The following ASCC3 variants were observed in gnomAD, a reference collection of about 807,000 sequenced individuals.
ASCC3 encodes ASC-1 complex subunit P200.
A neutral mutation model predicts 256.3 loss-of-function variants in ASCC3; 158 were observed. The observed-to-expected ratio is 0.62, with a 90% confidence interval of 0.54 to 0.70. The LOEUF (loss-of-function observed/expected upper bound fraction) is 0.70, where lower values mean the gene tolerates loss of function less well. Among genes scored for constraint, ASCC3 ranks in the 30% least tolerant of loss-of-function variants. The pLI is 0.00. For missense variants in ASCC3, 2,259 were observed against 2,626.0 expected (o/e 0.86, Z 3.05); for synonymous variants, 948 against 883.4 (o/e 1.07, Z -1.30).
intron 30 of ASCC3, among the ~76,000 whole-genome samples, chr6:100,621,843 G>A (rs1773967071): frequency 6.6e-6 from 1 of 152,148 alleles, no homozygotes; most frequent in East Asian, 1.9e-4. Context: ...CAACCCAAAT[G>A]CCCATCAGTG....
chr6:100,685,325 C>T lies in ASCC3; in HGVS notation c.2152-5573G>A, dbSNP rs978605417. The stretch of plus-strand genomic sequence containing the variant: ...TGGCAGTTTATGTTTTCATTCTAGC[C>T]ATCACAGCCACTTATCTGTCTTGCT... On this transcript the variant is annotated intron_variant, in intron 13 of 41. Coordinates refer to ENST00000369162, the MANE Select transcript of ASCC3 (RefSeq NM_006828.4). Among the ~76,000 whole-genome samples the T allele has an allele frequency of 1.2e-4, 18 of 152,116 alleles. 1 individual carries two copies. The highest frequency in any genetic ancestry group is 4.3e-4 in the African/African-American group (18 of 41,414).
rs1215258635 is a variant in ASCC3, at chr6:100,587,825, T to C, written c.5550+1809A>G. Among the ~76,000 whole-genome samples the C allele has an allele frequency of 2.0e-5, 3 of 152,324 alleles. No homozygotes were observed. The East Asian group carries it at 5.8e-4, about 29-fold the overall frequency. The stretch of plus-strand genomic sequence containing the variant: ...CTGCTGACAGGATGGGAACAGACCT[T>C]TTGTGATCAATACCTTTTCAAAGAG... On this transcript the variant is annotated intron_variant, in intron 36 of 41. Coordinates refer to ENST00000369162, the MANE Select transcript of ASCC3 (RefSeq NM_006828.4).
At chr6:100,549,859 T>C (rs1227408638) in intron 36 of ASCC3, among the ~76,000 whole-genome samples, 1 of 151,950 alleles carries the variant, frequency 6.6e-6, no homozygotes, top group Non-Finnish European at 1.5e-5. Flanking sequence ...GTTGGAAAGT[T>C]TCCCAGAAGA....
intron 1 of ASCC3, among the ~76,000 whole-genome samples, chr6:100,868,730 AG>A (rs1431981910): frequency 1.3e-5 from 2 of 152,234 alleles, no homozygotes; most frequent in African/African-American, 4.8e-5. Flanking sequence ...GTACTCAATA[AG>A]TATCTGTTAA....
intron 8 of ASCC3, among the ~76,000 whole-genome samples, chr6:100,773,335 T>C (rs1487986074): frequency 6.6e-6 from 1 of 152,172 alleles, no homozygotes; most frequent in Non-Finnish European, 1.5e-5. Context: ...TTTCCAGTTT[T>C]TATAGACTTA....
chr6:100,652,928 A>G, intron 17 of ASCC3, 39 bp from the exon 18 acceptor site: 1 of 1,572,498 alleles, frequency 6.4e-7, no homozygotes, highest in Non-Finnish European at 8.7e-7. Context: ...ATAGTGCTTT[A>G]GAGAGTAACC....
rs1299534983 is a variant in ASCC3, at chr6:100,512,719, C to G, written c.6275G>C (p.Gly2092Ala). Residue 2092 changes from glycine (G) to alanine (A), a missense_variant, in exon 40 of 42, where the codon GGG (glycine) becomes GCG (alanine). Gly to Ala is a moderately conservative substitution (Grantham distance 60, BLOSUM62 0). Transcript: ENST00000369162. Reference protein sequence around the residue: ...LQVSLQRVHFGFHKGKPESCA... With the variant: ...LQVSLQRVHFAFHKGKPESCA... Reference sequence around the variant, plus strand: ...AACCAAACACTATACCTTGTGGAACCCAAAGTGGACTCTCTGCAAGCTCAC... The same window carrying G: ...AACCAAACACTATACCTTGTGGAACGCAAAGTGGACTCTCTGCAAGCTCAC... 16 of 1,613,996 alleles carry G rather than the reference C, an allele frequency of 9.9e-6. No individual in the cohort carries two copies. Among genetic ancestry groups the G allele is most frequent in the Non-Finnish European group, 1.3e-5 (15 of 1,179,950 alleles).
At chr6:100,822,078 G>C (rs1771074793) in intron 4 of ASCC3, among the ~76,000 whole-genome samples, 1 of 152,066 alleles carries the variant, frequency 6.6e-6, no homozygotes, top group African/African-American at 2.4e-5. Flanking sequence ...TGATGAAAAT[G>C]CTCTAAAATT....
intron 11 of ASCC3, among the ~76,000 whole-genome samples, chr6:100,724,582 G>A (rs1779534486): frequency 6.6e-6 from 1 of 151,728 alleles, no homozygotes. Flanking sequence ...TGGGGTCTAA[G>A]GCAAGGGGAG....
chr6:100,688,141 G>A (rs1322697260), intron 13 of ASCC3, among the ~76,000 whole-genome samples: 1 of 151,756 alleles, frequency 6.6e-6, no homozygotes, highest in African/African-American at 2.4e-5. Context: ...ATATCACATG[G>A]TCAAAAAATA....
intron 30 of ASCC3, among the ~76,000 whole-genome samples, chr6:100,608,089 T>TATA (rs1562160968): frequency 0.018 from 1,826 of 102,464 alleles, 73 homozygotes; most frequent in Non-Finnish European, 0.027. Context: ...TGTATATATA[T>TATA]CTATATACAC....
At chr6:100,621,378 C>T (rs897438759) in intron 30 of ASCC3, among the ~76,000 whole-genome samples, 4 of 151,884 alleles carry the variant, frequency 2.6e-5, no homozygotes, top group Admixed American at 6.6e-5. Flanking sequence ...CTACAAGGAA[C>T]TTAAACAAAT....
intron 39 of ASCC3, among the ~76,000 whole-genome samples, chr6:100,515,390 A>G (rs1285098958): frequency 6.6e-6 from 1 of 151,560 alleles, no homozygotes; most frequent in African/African-American, 2.4e-5. Flanking sequence ...TTCCACTTGG[A>G]AAAAAAAAGA....
At chr6:100,841,215 T>C (rs1772128968) in intron 4 of ASCC3, among the ~76,000 whole-genome samples, 1 of 152,116 alleles carries the variant, frequency 6.6e-6, no homozygotes, top group East Asian at 1.9e-4. Context: ...GCAAAGGAGA[T>C]AGTAGTAAGG....
chr6:100,810,390 T>C (rs1770403592), intron 4 of ASCC3, among the ~76,000 whole-genome samples: 1 of 152,184 alleles, frequency 6.6e-6, no homozygotes, highest in South Asian at 2.1e-4. Flanking sequence ...CTCATTACTC[T>C]ATGTCCTCCT....
At chr6:100,858,067 C>T (rs1450295942) in intron 3 of ASCC3, 3 of 229,624 alleles carry the variant, frequency 1.3e-5, no homozygotes, top group Non-Finnish European at 2.2e-5. Context: ...TGAAGTCTTG[C>T]TTATTTTTTG....
chr6:100,656,839 T>C (rs2114922581), intron 16 of ASCC3, among the ~76,000 whole-genome samples: 1 of 151,198 alleles, frequency 6.6e-6, no homozygotes, highest in South Asian at 2.1e-4. Context: ...TAGTTGTATT[T>C]TTTTTTCCTG....
chr6:100,817,427 G>C (rs1291744089), intron 4 of ASCC3, among the ~76,000 whole-genome samples: 1 of 151,536 alleles, frequency 6.6e-6, no homozygotes, highest in South Asian at 2.1e-4. Flanking sequence ...ATAAAGCTTA[G>C]AGCAAAAAGT....
chr6:100,601,216 A>T (rs1249666232), intron 34 of ASCC3, among the ~76,000 whole-genome samples: 1 of 152,102 alleles, frequency 6.6e-6, no homozygotes, highest in African/African-American at 2.4e-5. Flanking sequence ...TAGAGGATTT[A>T]TAATATTCAT....
Sources: gnomAD v4.1 joint callset for allele counts (sites outside exome capture counted in the v4.1 genomes callset) on GRCh38, gnomAD v4.1.1 for gene constraint, MANE v1.5 for transcripts, NCBI Gene and HGNC (gene_info 2026-07-23, HGNC 2026-07-21) for gene names.